NCAM2: variants seen among roughly 807,000 people sequenced by gnomAD.
NCAM2 encodes N-CAM-2.
A neutral mutation model predicts 98.1 loss-of-function variants in NCAM2; 30 were observed. The ratio of observed to expected loss-of-function variants is 0.31; its 90% CI spans 0.23 to 0.41. The LOEUF (loss-of-function observed/expected upper bound fraction) is 0.41, where lower values mean the gene tolerates loss of function less well. Ranked by LOEUF, NCAM2 falls within the 10% of genes least tolerant of loss-of-function variation. NCAM2 has a pLI of 1.00. For synonymous variants in NCAM2, 368 were observed against 342.4 expected (o/e 1.07, Z -0.83); for missense variants, 867 against 1,005.8 (o/e 0.86, Z 1.87).
At chr21:21,417,453 G>A (rs557119992) in intron 10 of NCAM2, among the ~76,000 whole-genome samples, 3 of 151,922 alleles carry the variant, frequency 2.0e-5, no homozygotes, top group Non-Finnish European at 4.4e-5. Flanking sequence ...TCTTCAATGG[G>A]CCTCAAAATT....
chr21:21,485,191 C>G (rs1159911749), intron 15 of NCAM2, among the ~76,000 whole-genome samples: 1 of 151,992 alleles, frequency 6.6e-6, no homozygotes, highest in Non-Finnish European at 1.5e-5. Context: ...AAACAGTTTC[C>G]TATTTTAAAT....
intron 1 of NCAM2, among the ~76,000 whole-genome samples, chr21:21,151,458 A>G (rs1208930215): frequency 6.6e-6 from 1 of 152,076 alleles, no homozygotes; most frequent in Admixed American, 6.6e-5. Context: ...GCTAATTCAC[A>G]TCTTCTAAAT....
chr21:21,034,120 C>G (rs1451451142), intron 1 of NCAM2, among the ~76,000 whole-genome samples: 1 of 151,834 alleles, frequency 6.6e-6, no homozygotes, highest in African/African-American at 2.4e-5. Flanking sequence ...TTTATACATT[C>G]TTCAATCTCC....
intron 13 of NCAM2, among the ~76,000 whole-genome samples, chr21:21,467,060 G>A (rs1476233524): frequency 6.6e-6 from 1 of 151,852 alleles, no homozygotes; most frequent in Non-Finnish European, 1.5e-5. Context: ...AAATGTCTAT[G>A]TAACATGTTC....
intron 16 of NCAM2, among the ~76,000 whole-genome samples, chr21:21,514,962 GT>G (rs1419136476): frequency 2.0e-5 from 3 of 151,922 alleles, no homozygotes; most frequent in Non-Finnish European, 2.9e-5. Flanking sequence ...CTTCAAGATC[GT>G]TTTGCTAGTC....
chr21:21,404,315 T>C (rs2076692866), intron 9 of NCAM2, among the ~76,000 whole-genome samples: 2 of 152,122 alleles, frequency 1.3e-5, no homozygotes, highest in Non-Finnish European at 2.9e-5. Context: ...TCATCTTGAA[T>C]TGTAGCTCCC....
intron 1 of NCAM2, among the ~76,000 whole-genome samples, chr21:21,084,153 G>A (rs982244040): frequency 6.6e-6 from 1 of 152,114 alleles, no homozygotes; most frequent in African/African-American, 2.4e-5. Flanking sequence ...GGGCCAGGAG[G>A]CTCTCTGGAC....
chr21:21,037,295 A>T (rs1324487820), intron 1 of NCAM2, among the ~76,000 whole-genome samples: 1 of 152,180 alleles, frequency 6.6e-6, no homozygotes, highest in African/African-American at 2.4e-5. Flanking sequence ...TGGTATCAAA[A>T]AATATTCATG....
chr21:21,087,879 G>A (rs926050895), intron 1 of NCAM2, among the ~76,000 whole-genome samples: 3 of 152,140 alleles, frequency 2.0e-5, no homozygotes, highest in South Asian at 2.1e-4. Context: ...ATCAATTGCT[G>A]TGTGATCACA....
At chr21:21,092,956 A>G (rs911912263) in intron 1 of NCAM2, among the ~76,000 whole-genome samples, 4 of 152,100 alleles carry the variant, frequency 2.6e-5, no homozygotes, top group East Asian at 1.9e-4. Flanking sequence ...TTTTGCAACA[A>G]TGAGTGGAAT....
chr21:21,135,339 C>T (rs766688153), intron 1 of NCAM2, among the ~76,000 whole-genome samples: 1 of 151,828 alleles, frequency 6.6e-6, no homozygotes, highest in Admixed American at 6.6e-5. Context: ...CCATACCTTG[C>T]CAGTTGTATT....
At chr21:21,214,355 T>C (rs1285605258) in intron 1 of NCAM2, among the ~76,000 whole-genome samples, 5 of 152,144 alleles carry the variant, frequency 3.3e-5, no homozygotes, top group South Asian at 2.1e-4. Flanking sequence ...TTCCATGATA[T>C]CTCATTTTGG....
At position 21,284,380 on chromosome 21, in the gene NCAM2, C is replaced by A; in HGVS notation, c.317C>A (p.Thr106Lys). The A allele has an allele frequency of 1.2e-6, 2 of 1,611,628 alleles. No homozygotes were observed. Among genetic ancestry groups the A allele is most frequent in the Non-Finnish European group, 1.7e-6 (2 of 1,178,344 alleles). ...TDAKGQTQEA[T>K]VVLEIYQKLT... Reference sequence around the variant, plus strand: ...GCCAAAGGACAAACACAAGAAGCTACAGTAGTTTTGGAAATTTACCGTAAG... The same window carrying A: ...GCCAAAGGACAAACACAAGAAGCTAAAGTAGTTTTGGAAATTTACCGTAAG... The change falls in exon 3 of 18, where the codon ACA becomes AAA. Residue 106 changes from threonine to lysine, a missense_variant. Coordinates refer to ENST00000400546, the MANE Select transcript of NCAM2 (RefSeq NM_004540.5).
chr21:21,330,614 G>A (rs1272545646), intron 6 of NCAM2, among the ~76,000 whole-genome samples: 3 of 152,004 alleles, frequency 2.0e-5, no homozygotes, highest in Admixed American at 6.6e-5. Context: ...TGATAGTATT[G>A]TGGAAGTCTT....
intron 15 of NCAM2, among the ~76,000 whole-genome samples, chr21:21,494,617 A>G (rs2146317221): frequency 6.6e-6 from 1 of 151,344 alleles, no homozygotes; most frequent in Admixed American, 6.6e-5. Flanking sequence ...GTAAGATAAT[A>G]GCAAACATCA....
chr21:21,312,000 A>G (rs1270406649), intron 5 of NCAM2, among the ~76,000 whole-genome samples: 5 of 152,086 alleles, frequency 3.3e-5, no homozygotes, highest in Non-Finnish European at 7.4e-5. Flanking sequence ...TCTTAAATCT[A>G]TTTTTACTTG....
chr21:21,002,611 T>C (rs1409475943), intron 1 of NCAM2, among the ~76,000 whole-genome samples: 1 of 152,124 alleles, frequency 6.6e-6, no homozygotes, highest in Non-Finnish European at 1.5e-5. Context: ...TTTTAACATT[T>C]GGGAAATCAT....
intron 1 of NCAM2, among the ~76,000 whole-genome samples, chr21:21,184,670 A>G (rs1232915317): frequency 3.3e-5 from 5 of 152,142 alleles, no homozygotes; most frequent in African/African-American, 7.2e-5. Context: ...TTAATATTCA[A>G]ATAACAGTGT....
chr21:21,403,725 A>C (rs1321507221), intron 9 of NCAM2, among the ~76,000 whole-genome samples: 2 of 152,232 alleles, frequency 1.3e-5, no homozygotes, highest in Admixed American at 1.3e-4. Context: ...TTCCTTCAAC[A>C]TCTTTTTGAA....
Sources: gnomAD v4.1 joint callset for allele counts (sites outside exome capture counted in the v4.1 genomes callset) on GRCh38, gnomAD v4.1.1 for gene constraint, MANE v1.5 for transcripts, NCBI Gene and HGNC (gene_info 2026-07-23, HGNC 2026-07-21) for gene names.